The following CFI variants were observed in gnomAD, a reference collection of about 807,000 sequenced individuals.
The protein encoded by CFI is complement factor I.
A neutral mutation model predicts 78.8 loss-of-function variants in CFI; 66 were observed. That is an observed-to-expected ratio of 0.84 (90% confidence interval 0.69 to 1.03). The LOEUF (loss-of-function observed/expected upper bound fraction) is 1.03. Ranked by LOEUF, CFI falls within the 50% of genes least tolerant of loss-of-function variation. The probability of loss-of-function intolerance (pLI) is 0.00; values close to 1 mark genes in which losing one functional copy is unlikely to be tolerated. For missense variants in CFI, 706 were observed against 704.5 expected (o/e 1.00, Z -0.02); for synonymous variants, 250 against 232.6 (o/e 1.07, Z -0.68).
intron 1 of CFI, among the ~76,000 whole-genome samples, chr4:109,770,421 A>G (rs569387436): frequency 4.6e-5 from 7 of 152,024 alleles, no homozygotes; most frequent in Non-Finnish European, 8.8e-5. Context: ...TTAGCCAGGC[A>G]TGATGGCACC....
chr4:109,736,426 T>G (rs1723373344), downstream of CFI, among the ~76,000 whole-genome samples: 1 of 151,112 alleles, frequency 6.6e-6, no homozygotes, highest in Non-Finnish European at 1.5e-5. Flanking sequence ...GGAACTTAAG[T>G]TAAAGAGAAA....
intron 1 of CFI, among the ~76,000 whole-genome samples, chr4:109,788,016 G>C (rs906343538): frequency 6.6e-6 from 1 of 151,942 alleles, no homozygotes; most frequent in African/African-American, 2.4e-5. Flanking sequence ...ACAGCTCTTT[G>C]TGAGTCTTTC....
At chr4:109,756,092 GAA>G (rs1203441060) in intron 7 of CFI, among the ~76,000 whole-genome samples, 1 of 152,138 alleles carries the variant, frequency 6.6e-6, no homozygotes, top group African/African-American at 2.4e-5. Context: ...CATTGGATAA[GAA>G]TGCATGCAAA....
intron 1 of CFI, among the ~76,000 whole-genome samples, chr4:109,776,505 C>T (rs569399199): frequency 6.6e-5 from 10 of 152,228 alleles, no homozygotes; most frequent in African/African-American, 2.4e-4. Flanking sequence ...ATTGATGTAC[C>T]TGAAAGTGAC....
At chr4:109,799,329 G>A (rs987833359) in intron 1 of CFI, among the ~76,000 whole-genome samples, 9 of 152,160 alleles carry the variant, frequency 5.9e-5, no homozygotes, top group African/African-American at 2.2e-4. Flanking sequence ...GTGAAACCAA[G>A]ACAAGTGCCT....
intron 1 of CFI, among the ~76,000 whole-genome samples, chr4:109,776,957 G>A (rs1417161662): frequency 6.6e-6 from 1 of 152,170 alleles, no homozygotes; most frequent in Non-Finnish European, 1.5e-5. Flanking sequence ...TGCCTTACAA[G>A]AGCTCCTGAA....
rs113460688 is a variant in CFI at position 109,740,988 on chromosome 4, G to A, written c.1657C>T (p.Pro553Ser). The change falls in exon 13 of 13, where the codon CCA becomes TCA. Residue 553 changes from proline to serine, a missense_variant. Coordinates refer to ENST00000394634, the MANE Select transcript of CFI (RefSeq NM_000204.5). The part of the protein sequence containing the change: ...VVSWGENCGK[P>S]EFPGVYTKVA... The stretch of plus-strand genomic sequence containing the variant: ...TTGGTGTAAACACCTGGGAACTCTG[G>A]TTTTCCACAGTTTTCCCCCCAACTC... 4,177 of 1,614,134 alleles carry A rather than the reference G, an allele frequency of 2.6e-3. 9 individuals carry two copies. The highest frequency in any genetic ancestry group is 3.3e-3 in the Non-Finnish European group (3,895 of 1,179,994).
At chr4:109,788,210 A>G (rs1388341025) in intron 1 of CFI, among the ~76,000 whole-genome samples, 2 of 152,140 alleles carry the variant, frequency 1.3e-5, no homozygotes, top group African/African-American at 4.8e-5. Flanking sequence ...TTTCTCACAT[A>G]TGCTAAGTAT....
intron 1 of CFI, among the ~76,000 whole-genome samples, chr4:109,785,691 C>A (rs1220961918): frequency 6.6e-6 from 1 of 151,866 alleles, no homozygotes; most frequent in Non-Finnish European, 1.5e-5. Context: ...AATTATAATC[C>A]CCATAATCCC....
intron 8 of CFI, 93 bp from the exon 9 acceptor site, chr4:109,749,695 A>C (rs1724912875): frequency 1.4e-5 from 11 of 780,162 alleles, no homozygotes; most frequent in Non-Finnish European, 4.6e-6. Context: ...AAAACAGGAG[A>C]GTCACAGCCA....
At chr4:109,731,027 G>T in the CFI span, among the ~76,000 whole-genome samples, 4 of 152,126 alleles carry the variant, frequency 2.6e-5, no homozygotes, top group East Asian at 1.9e-4. Flanking sequence ...CAGTTTCCAA[G>T]AATTTTACAG....
the CFI span, among the ~76,000 whole-genome samples, chr4:109,732,856 C>CA: frequency 4.5e-3 from 583 of 130,420 alleles, 3 homozygotes; most frequent in East Asian, 0.018. Context: ...GACTCTGTCT[C>CA]AAAAAAAAAA....
intron 11 of CFI, among the ~76,000 whole-genome samples, chr4:109,744,543 G>T (rs1303720043): frequency 6.6e-6 from 1 of 152,112 alleles, no homozygotes; most frequent in Non-Finnish European, 1.5e-5. Flanking sequence ...ATACCCTTCA[G>T]CTCAAGATCC....
At chr4:109,733,047 C>T in the CFI span, among the ~76,000 whole-genome samples, 9 of 151,918 alleles carry the variant, frequency 5.9e-5, no homozygotes, top group Middle Eastern at 3.4e-3. Flanking sequence ...TCTCAGCTCA[C>T]TGCAACCTCC....
At chr4:109,794,206 A>T (rs1731752571) in intron 1 of CFI, 1 of 151,902 alleles carries the variant, frequency 6.6e-6, no homozygotes, top group African/African-American at 2.4e-5. Flanking sequence ...TTCAGCCATT[A>T]TTTCTTCATA....
At chr4:109,732,653 C>G in the CFI span, among the ~76,000 whole-genome samples, 2 of 151,960 alleles carry the variant, frequency 1.3e-5, no homozygotes, top group South Asian at 4.1e-4. Flanking sequence ...GTCAGGAGAT[C>G]GAGACCATCC....
chr4:109,746,180 T>C, intron 11 of CFI, 42 bp downstream of exon 11: 2 of 1,608,494 alleles, frequency 1.2e-6, no homozygotes, highest in Non-Finnish European at 1.7e-6. Flanking sequence ...CTCTTTCATT[T>C]CCAACTCATG....
intron 1 of CFI, among the ~76,000 whole-genome samples, chr4:109,776,434 A>C (rs1012897799): frequency 6.6e-6 from 1 of 152,194 alleles, no homozygotes; most frequent in South Asian, 2.1e-4. Context: ...AAAGAGTAAA[A>C]AGAAATGAAC....
intron 1 of CFI, among the ~76,000 whole-genome samples, chr4:109,783,432 A>G (rs189137820): frequency 1.3e-5 from 2 of 152,244 alleles, no homozygotes; most frequent in Admixed American, 1.3e-4. Context: ...AATGCTCAAC[A>G]TCACTAATGA....
Sources: allele counts gnomAD v4.1 joint callset (sites outside exome capture counted in the v4.1 genomes callset), GRCh38; gene constraint gnomAD v4.1.1; transcripts MANE v1.5; gene names NCBI Gene and HGNC (gene_info 2026-07-23, HGNC 2026-07-21).